IQCM: variants seen among roughly 807,000 people sequenced by gnomAD.
IQCM encodes IQ domain-containing protein M.
IQCM carries 45 observed loss-of-function variants against 57.6 expected under a neutral mutation model. The ratio of observed to expected loss-of-function variants is 0.78; its 90% CI spans 0.62 to 1.00. The LOEUF is 1.00. Ranked by LOEUF, IQCM falls within the 50% of genes least tolerant of loss-of-function variation. The pLI is 0.00. For synonymous variants in IQCM, 148 were observed against 158.9 expected (o/e 0.93, Z 0.51); for missense variants, 468 against 511.6 (o/e 0.91, Z 0.82).
intron 13 of IQCM, among the ~76,000 whole-genome samples, chr4:149,427,946 C>T (rs1034298617): frequency 2.6e-5 from 4 of 151,828 alleles, no homozygotes; most frequent in African/African-American, 9.7e-5. Flanking sequence ...TATTATTCAT[C>T]TCGAGCAAGC....
At chr4:149,414,553 A>G (rs892043652) in intron 13 of IQCM, among the ~76,000 whole-genome samples, 1 of 152,106 alleles carries the variant, frequency 6.6e-6, no homozygotes, top group Non-Finnish European at 1.5e-5. Context: ...ATACACTCAG[A>G]GTTTGTCCAT....
chr4:149,572,187 G>A (rs1219869554), intron 9 of IQCM, among the ~76,000 whole-genome samples: 1 of 151,944 alleles, frequency 6.6e-6, no homozygotes, highest in Non-Finnish European at 1.5e-5. Flanking sequence ...ACAAGCAAAA[G>A]GGACTGGCTT....
chr4:149,482,533 T>C (rs993188974), intron 12 of IQCM, among the ~76,000 whole-genome samples: 2 of 152,100 alleles, frequency 1.3e-5, no homozygotes, highest in Admixed American at 6.6e-5. Flanking sequence ...TCAATTGAAA[T>C]GGTCATATGG....
In IQCM at chr4:149,442,925, TACAC is replaced by T. The variant is rs373865453; in HGVS notation, c.1229-9372_1229-9369del. On this transcript the variant is annotated intron_variant, in intron 12 of 13. Coordinates refer to ENST00000636793, the MANE Select transcript of IQCM (RefSeq NM_001363507.2). ...GAAGAACTAGCAGGCTATCTCTCAA[TACAC>T]ACACACACACACACACACACACACA... 1.6e-3 allele frequency among the ~76,000 whole-genome samples: 211 copies of T among 133,242 alleles called. 2 individuals carry two copies. The highest frequency in any genetic ancestry group is 5.6e-3 in the African/African-American group (194 of 34,946). The allele number at this position is 133,242 out of a possible 152,430, so 87.4% of individuals were successfully genotyped here. A position where few individuals can be genotyped will look rare whatever the true frequency, so the allele number is the denominator to read the frequency against.
intron 13 of IQCM, among the ~76,000 whole-genome samples, chr4:149,363,677 T>C (rs1729644406): frequency 6.6e-6 from 1 of 152,180 alleles, no homozygotes; most frequent in Non-Finnish European, 1.5e-5. Context: ...GTTTACCAAT[T>C]TTGAAACATG....
intron 12 of IQCM, among the ~76,000 whole-genome samples, chr4:149,442,953 C>CACAG (rs1410484547): frequency 2.9e-4 from 28 of 98,066 alleles, no homozygotes; most frequent in Admixed American, 6.0e-4. Context: ...CACACACACA[C>CACAG]AGAGAGAGAG....
At chr4:149,736,663 G>A (rs1766973328) in intron 3 of IQCM, among the ~76,000 whole-genome samples, 1 of 152,082 alleles carries the variant, frequency 6.6e-6, no homozygotes, top group South Asian at 2.1e-4. Flanking sequence ...CACCAAAACG[G>A]CTAAAATTGA....
chr4:149,528,803 A>G (rs1560954171), intron 12 of IQCM, among the ~76,000 whole-genome samples: 1 of 152,148 alleles, frequency 6.6e-6, no homozygotes. Flanking sequence ...CTTGACAGAC[A>G]GTGTACCTTG....
At chr4:149,403,619 C>T (rs1173920861) in intron 13 of IQCM, among the ~76,000 whole-genome samples, 1 of 151,782 alleles carries the variant, frequency 6.6e-6, no homozygotes, top group Non-Finnish European at 1.5e-5. Context: ...TGATCAGTTC[C>T]TGTATGAGTC....
chr4:149,501,601 A>G (rs1743247165), intron 12 of IQCM, among the ~76,000 whole-genome samples: 1 of 152,228 alleles, frequency 6.6e-6, no homozygotes, highest in African/African-American at 2.4e-5. Flanking sequence ...ACAAAAAAAC[A>G]ATCTGTAGTA....
chr4:149,524,261 G>A (rs1745943732), intron 12 of IQCM, among the ~76,000 whole-genome samples: 1 of 152,092 alleles, frequency 6.6e-6, no homozygotes, highest in Non-Finnish European at 1.5e-5. Context: ...TGTACTGACT[G>A]AGGAGCAGCA....
At chr4:149,681,963 G>A (rs1424914698) in intron 7 of IQCM, among the ~76,000 whole-genome samples, 155 bp downstream of exon 7, 1 of 141,738 alleles carries the variant, frequency 7.1e-6, no homozygotes, top group Non-Finnish European at 1.6e-5. Context: ...GTTATTAGTA[G>A]TTGTTTCCAA....
chr4:149,475,589 A>T (rs1437746124), intron 12 of IQCM, among the ~76,000 whole-genome samples: 1 of 152,136 alleles, frequency 6.6e-6, no homozygotes, highest in East Asian at 1.9e-4. Flanking sequence ...AAATAGAGAA[A>T]GAGAAGAGAG....
chr4:149,415,615 T>A (rs1469450658), intron 13 of IQCM, among the ~76,000 whole-genome samples: 1 of 152,062 alleles, frequency 6.6e-6, no homozygotes. Flanking sequence ...CTAACAGCAA[T>A]GTTCACCCTA....
chr4:149,556,964 C>A (rs897897279), intron 10 of IQCM, among the ~76,000 whole-genome samples: 10 of 152,170 alleles, frequency 6.6e-5, no homozygotes, highest in African/African-American at 2.4e-4. Flanking sequence ...TGTCTAATTG[C>A]TCAGTACAGA....
chr4:149,781,966 T>C (rs1771641897), intron 2 of IQCM, among the ~76,000 whole-genome samples: 1 of 152,070 alleles, frequency 6.6e-6, no homozygotes, highest in Non-Finnish European at 1.5e-5. Flanking sequence ...AAAGATAATG[T>C]ATTCTGACTG....
chr4:149,639,439 AAAGAAG>A (rs934540067), intron 7 of IQCM, among the ~76,000 whole-genome samples: 14 of 151,394 alleles, frequency 9.2e-5, no homozygotes, highest in Non-Finnish European at 1.5e-4. Context: ...AAAAAAAAAA[AAAGAAG>A]AAGAAGAAGA....
At chr4:149,575,079 T>C (rs906207465) in intron 9 of IQCM, among the ~76,000 whole-genome samples, 1 of 151,980 alleles carries the variant, frequency 6.6e-6, no homozygotes, top group African/African-American at 2.4e-5. Flanking sequence ...CAATTTACTC[T>C]GATTTGGATC....
chr4:149,354,630 A>G (rs1728830111), intron 13 of IQCM, among the ~76,000 whole-genome samples: 1 of 152,050 alleles, frequency 6.6e-6, no homozygotes, highest in South Asian at 2.1e-4. Flanking sequence ...CTTATAATAT[A>G]ACATTACTCA....
Sources: gnomAD v4.1 joint callset for allele counts (sites outside exome capture counted in the v4.1 genomes callset) on GRCh38, gnomAD v4.1.1 for gene constraint, MANE v1.5 for transcripts, NCBI Gene and HGNC (gene_info 2026-07-23, HGNC 2026-07-21) for gene names.